The following NEK10 variants were observed in gnomAD, a reference collection of about 807,000 sequenced individuals.
The protein encoded by NEK10 is serine/threonine-protein kinase Nek10.
Under a neutral mutation model 159.8 loss-of-function variants are expected in NEK10, and 122 were observed. That is an observed-to-expected ratio of 0.76 (90% CI 0.66 to 0.89). NEK10 has a LOEUF of 0.89. Among genes scored for constraint, NEK10 ranks in the 40% least tolerant of loss-of-function variants. The pLI is 0.00. For synonymous variants in NEK10, 466 were observed against 457.1 expected, an observed-to-expected ratio of 1.02 and a Z score of -0.25; for missense variants, 1,342 against 1,323.1, an observed-to-expected ratio of 1.01 and a Z score of -0.22.
At position 27,290,628 on chromosome 3, in the gene NEK10, T is replaced by C. The variant is rs1440142563; in HGVS notation, c.1732A>G (p.Ile578Val). ...VRNIVSELTIIKEQLYHPNIV... is the reference protein window; with the variant it reads ...VRNIVSELTIVKEQLYHPNIV... The stretch of plus-strand genomic sequence containing the variant: ...AGGAAAACATTTACCTGCTCTTTAA[T>C]TATTGTTAATTCAGAAACAATATTC... The change falls in exon 19 of 36, where the codon ATT (isoleucine) becomes GTT (valine). Residue 578 changes from isoleucine to valine, a missense_variant. By Grantham distance (29) the Ile-to-Val change is conservative. Coordinates refer to ENST00000691995, the MANE Select transcript of NEK10 (RefSeq NM_001394966.1). The C allele has an allele frequency of 1.3e-6, 2 of 1,588,732 alleles. No homozygotes were observed. The highest frequency in any genetic ancestry group is 3.6e-5 in the Admixed American group (2 of 55,292).
chr3:27,148,873 T>C (rs750696462), intron 30 of NEK10, among the ~76,000 whole-genome samples: 32 of 152,056 alleles, frequency 2.1e-4, no homozygotes, highest in Non-Finnish European at 4.0e-4. Flanking sequence ...TAGGCTTGAA[T>C]TGGAACCACC....
intron 20 of NEK10, 53 bp downstream of exon 20, chr3:27,287,645 T>C: frequency 1.3e-6 from 2 of 1,533,704 alleles, no homozygotes; most frequent in Non-Finnish European, 1.8e-6. Context: ...TACAAAAATA[T>C]ATGTGACAAA....
intron 9 of NEK10, 36 bp downstream of exon 9, chr3:27,310,913 G>A (rs764544028): frequency 3.8e-6 from 5 of 1,302,472 alleles, no homozygotes; most frequent in South Asian, 1.2e-5. Flanking sequence ...ATTGCCATAG[G>A]GAGCTGAAGC....
intron 26 of NEK10, among the ~76,000 whole-genome samples, chr3:27,183,011 GC>G (rs1340125281): frequency 6.6e-6 from 1 of 151,948 alleles, no homozygotes; most frequent in Non-Finnish European, 1.5e-5. Context: ...GTGTTTGGTA[GC>G]AAAATAGGGT....
intron 15 of NEK10, 31 bp downstream of exon 15, chr3:27,295,582 G>T: frequency 6.5e-7 from 1 of 1,537,958 alleles, no homozygotes; most frequent in South Asian, 1.2e-5. Context: ...TCAATAACTT[G>T]ATACTGAAGG....
chr3:27,122,705 T>C (rs1234610302), intron 32 of NEK10, among the ~76,000 whole-genome samples: 1 of 152,184 alleles, frequency 6.6e-6, no homozygotes, highest in Non-Finnish European at 1.5e-5. Context: ...TATAAAAAGC[T>C]TACTTAATTT....
At chr3:27,284,747 T>C (rs1340596483) in intron 21 of NEK10, 43 bp from the exon 22 acceptor site, 2 of 1,531,610 alleles carry the variant, frequency 1.3e-6, no homozygotes, top group Non-Finnish European at 1.8e-6. Flanking sequence ...TCCCCCAACA[T>C]ACATATAGCC....
At chr3:27,366,504 G>A (rs2049097577) in intron 1 of NEK10, among the ~76,000 whole-genome samples, 1 of 152,150 alleles carries the variant, frequency 6.6e-6, no homozygotes, top group Non-Finnish European at 1.5e-5. Flanking sequence ...GACTGGCTGT[G>A]ACAGGCAGAG....
rs2125383244 is a variant in NEK10 at position 27,109,097 on chromosome 3, G to A, written c.*2175C>T. 6.6e-6 allele frequency among the ~76,000 whole-genome samples: 1 copy of A among 152,294 alleles called. No homozygotes were observed. The highest frequency in any genetic ancestry group is 2.4e-5 in the African/African-American group (1 of 41,566). On this transcript the variant is annotated 3_prime_UTR_variant, in exon 36 of 36. Coordinates refer to ENST00000691995, the MANE Select transcript of NEK10 (RefSeq NM_001394966.1). ...ATCACCTAAAAGAGTTACATGCAAT[G>A]GCTGGGCACAGTGGCTCACGCCTCT...
At position 27,174,796 on chromosome 3, in the gene NEK10, C is replaced by T. The variant is rs1261168074; in HGVS notation, c.2543G>A (p.Ser848Asn). The T allele has an allele frequency of 2.5e-6, 4 of 1,604,008 alleles. No individual in the cohort carries two copies. The highest frequency in any genetic ancestry group is 2.2e-5 in the South Asian group (2 of 89,190). ...TTCACTTTTCAGGCTGGCTGCTCCA[C>T]TGCTGCTGCTACTCAAACTTGCCTT... Reference protein sequence around the residue: ...FEKASLSSSSSGAASLKSELS... With the variant: ...FEKASLSSSSNGAASLKSELS... The change falls in exon 27 of 36, where the codon AGT (serine) becomes AAT (asparagine). Residue 848 changes from serine (S) to asparagine (N), a missense_variant. By Grantham distance (46) the Ser-to-Asn change is conservative (BLOSUM62 1). Coordinates refer to ENST00000691995, the MANE Select transcript of NEK10 (RefSeq NM_001394966.1).
At chr3:27,296,114 C>T (rs1459054504) in intron 14 of NEK10, among the ~76,000 whole-genome samples, 3 of 151,888 alleles carry the variant, frequency 2.0e-5, no homozygotes, top group Non-Finnish European at 4.4e-5. Context: ...ATAATCTTGA[C>T]ATCTTTCTAG....
chr3:27,304,727 C>T lies in NEK10; in HGVS notation c.1028+20G>A. Reference sequence around the variant, plus strand: ...CTTCAACAAACAGGGCAAAGTAGGCCAAAGCCCACTTTTACTCACCCTTGT... The same window carrying T: ...CTTCAACAAACAGGGCAAAGTAGGCTAAAGCCCACTTTTACTCACCCTTGT... On this transcript the variant is annotated intron_variant, in intron 12 of 35. Coordinates refer to ENST00000691995, the MANE Select transcript of NEK10 (RefSeq NM_001394966.1). 6.5e-7 allele frequency: 1 copy of T among 1,538,996 alleles called. No homozygotes were observed. Among genetic ancestry groups the T allele is most frequent in the Non-Finnish European group, 9.0e-7 (1 of 1,112,334 alleles).
chr3:27,356,425 G>T (rs939802896), intron 1 of NEK10, among the ~76,000 whole-genome samples: 1 of 152,128 alleles, frequency 6.6e-6, no homozygotes, highest in Non-Finnish European at 1.5e-5. Context: ...CAAGAGGATT[G>T]CTTGAGCCCA....
intron 26 of NEK10, among the ~76,000 whole-genome samples, chr3:27,184,398 A>C (rs1948420362): frequency 6.6e-6 from 1 of 152,248 alleles, no homozygotes; most frequent in Non-Finnish European, 1.5e-5. Flanking sequence ...TCACCAGTCT[A>C]CGTCCTGGGG....
intron 32 of NEK10, among the ~76,000 whole-genome samples, chr3:27,124,734 G>A (rs965070251): frequency 6.6e-6 from 1 of 152,192 alleles, no homozygotes; most frequent in African/African-American, 2.4e-5. Context: ...GGAAACTGAT[G>A]TGGACACAGG....
chr3:27,186,047 T>C (rs1948588055), intron 26 of NEK10, among the ~76,000 whole-genome samples: 1 of 152,162 alleles, frequency 6.6e-6, no homozygotes, highest in Non-Finnish European at 1.5e-5. Flanking sequence ...AGACAGAACA[T>C]GGCTGATCAA....
intron 19 of NEK10, among the ~76,000 whole-genome samples, chr3:27,289,274 T>A (rs563655062): frequency 1.4e-4 from 21 of 152,362 alleles, no homozygotes; most frequent in African/African-American, 4.6e-4. Flanking sequence ...GTCCTCTTTC[T>A]AAGCACCTGC....
intron 30 of NEK10, chr3:27,143,582 C>T: frequency 1.7e-6 from 1 of 573,258 alleles, no homozygotes; most frequent in South Asian, 2.3e-5. Flanking sequence ...TTGACCACTA[C>T]CCTCACAATC....
chr3:27,230,624 C>T (rs1392193537), intron 23 of NEK10, among the ~76,000 whole-genome samples: 1 of 151,932 alleles, frequency 6.6e-6, no homozygotes, highest in Non-Finnish European at 1.5e-5. Flanking sequence ...CCTCAAGAGA[C>T]TCACCTAACA....
Sources: gnomAD v4.1 joint callset for allele counts (sites outside exome capture counted in the v4.1 genomes callset) on GRCh38, gnomAD v4.1.1 for gene constraint, MANE v1.5 for transcripts, NCBI Gene and HGNC (gene_info 2026-07-23, HGNC 2026-07-21) for gene names.